The following ITPRIPL2 variants were observed in gnomAD, a reference collection of about 807,000 sequenced individuals.
The protein encoded by ITPRIPL2 is ITPRIP like 2, also known as inositol 1,4,5-trisphosphate receptor-interacting protein-like 2.
A neutral mutation model predicts 31.7 loss-of-function variants in ITPRIPL2; 29 were observed. The ratio of observed to expected loss-of-function variants is 0.91; its 90% confidence interval spans 0.68 to 1.25. The LOEUF (loss-of-function observed/expected upper bound fraction) is 1.25. ITPRIPL2 is among the 50% of genes most tolerant of loss of function. The pLI is 0.00. For synonymous variants in ITPRIPL2, 344 were observed against 343.4 expected, an observed-to-expected ratio of 1.00 and a Z score of -0.02; for missense variants, 696 against 739.1, an observed-to-expected ratio of 0.94 and a Z score of 0.68.
Position 19,115,129 on chromosome 16 carries a change from G to T in ITPRIPL2, c.668G>T (p.Gly223Val). The part of the protein sequence containing the change: ...APPSPSGASG[G>V]HWLRDCKPFA... ...CCCTCACCATCGGGGGCCTCGGGGG[G>T]CCACTGGCTTCGGGACTGCAAACCC... is the stretch of plus-strand genomic sequence containing the variant. Residue 223 changes from glycine (G) to valine (V), a missense_variant, in exon 1 of 1, where the codon GGC becomes GTC. Coordinates refer to ENST00000381440, the MANE Select transcript of ITPRIPL2 (RefSeq NM_001034841.4). 3 of 1,602,416 alleles carry T rather than the reference G, an allele frequency of 1.9e-6. No homozygotes were observed. The highest frequency in any genetic ancestry group is 2.5e-6 in the Non-Finnish European group (3 of 1,179,916).
rs11074362 is a variant in ITPRIPL2 at position 19,116,025 on chromosome 16, C to T, written c.1564C>T (p.Pro522Ser). ...GPRYLARCPPPRSQRTQGFLE... is the reference protein window; with the variant it reads ...GPRYLARCPPSRSQRTQGFLE... ...CCGCTACCTTGCCAGGTGCCCCCCA[C>T]CCCGGAGTCAGCGCACCCAGGGCTT... Residue 522 changes from proline to serine, a missense_variant, in exon 1 of 1, where the codon CCC becomes TCC. Coordinates refer to ENST00000381440, the MANE Select transcript of ITPRIPL2 (RefSeq NM_001034841.4). The T allele has an allele frequency of 0.035, 56,131 of 1,607,648 alleles. 1,345 individuals carry two copies. The highest frequency in any genetic ancestry group is 0.11 in the African/African-American group (8,567 of 74,952).
rs1248708235 is a variant in ITPRIPL2, at chr16:19,120,625, A to ATATATATATATATATATATATATTTT, written c.*4557_*4558insATATATATATATATATATATATTTTT. On this transcript the variant is annotated 3_prime_UTR_variant, in exon 1 of 1. Coordinates refer to ENST00000381440, the MANE Select transcript of ITPRIPL2 (RefSeq NM_001034841.4). The stretch of plus-strand genomic sequence containing the variant: ...CTAATATATATATATATATATATAT[A>ATATATATATATATATATATATATTTT]TTTTTTTTTTTTTTTTTTAGTAGAG... 7.6e-5 allele frequency: 7 copies of ATATATATATATATATATATATATTTT among 92,158 alleles called. No homozygotes were observed. The highest frequency in any genetic ancestry group is 8.3e-5 in the Non-Finnish European group (4 of 47,952). The allele number at this position is 92,158 out of a possible 1,614,324, so 5.7% of individuals were successfully genotyped here.
chr16:19,114,483 A>C lies in ITPRIPL2; in HGVS notation c.22A>C (p.Asn8His). ...CGGCATGTCGGTGCACTACACCCTC[A>C]ATCTACGCGTCTTCTGGCCCCTGGT... Reference protein sequence around the residue: MSVHYTLNLRVFWPLVTG... With the variant: MSVHYTLHLRVFWPLVTG... Residue 8 changes from asparagine to histidine, a missense_variant, in exon 1 of 1, where the codon AAT (asparagine) becomes CAT (histidine). Physicochemically the swap from Asn to His is moderately conservative, Grantham distance 68. Coordinates refer to ENST00000381440, the MANE Select transcript of ITPRIPL2 (RefSeq NM_001034841.4). 2 of 1,443,082 alleles carry C rather than the reference A, an allele frequency of 1.4e-6. No homozygotes were observed. The highest frequency in any genetic ancestry group is 2.9e-5 in the African/African-American group (2 of 69,278). The allele number at this position is 1,443,082 out of a possible 1,614,324, so 89.4% of individuals were successfully genotyped here.
Position 19,116,131 on chromosome 16 carries a change from G to A in ITPRIPL2, c.*62G>A. ...AAGCCTTTCCCACTGGGTGGGGGTG[G>A]GAATGGCGGTGAAGCCAGTTAAATG... On this transcript the variant is annotated 3_prime_UTR_variant, in exon 1 of 1. Coordinates refer to ENST00000381440, the MANE Select transcript of ITPRIPL2 (RefSeq NM_001034841.4). The A allele has an allele frequency of 6.8e-7, 1 of 1,470,362 alleles. No homozygotes were observed. Among genetic ancestry groups the A allele is most frequent in the South Asian group, 1.4e-5 (1 of 73,906 alleles). The allele number at this position is 1,470,362 out of a possible 1,614,324, so 91.1% of individuals were successfully genotyped here.
In ITPRIPL2 at chr16:19,115,668, T is replaced by C; in HGVS notation, c.1207T>C (p.Ser403Pro). Residue 403 changes from serine (S) to proline (P), a missense_variant, in exon 1 of 1, where the codon TCC becomes CCC. Ser to Pro is a moderately conservative substitution (Grantham distance 74). Transcript: ENST00000381440. ...AAATQWGRILSSYVLKTVLLA... is the reference protein window; with the variant it reads ...AAATQWGRILPSYVLKTVLLA... ...CGCCACCCAGTGGGGACGCATCCTA[T>C]CCTCATATGTGCTCAAGACAGTGCT... is the stretch of plus-strand genomic sequence containing the variant. The C allele has an allele frequency of 6.2e-7, 1 of 1,612,320 alleles. No homozygotes were observed. The highest frequency in any genetic ancestry group is 8.5e-7 in the Non-Finnish European group (1 of 1,179,758).
chr16:19,119,319 G>C lies in ITPRIPL2; in HGVS notation c.*3250G>C, dbSNP rs1051254264. 1.1e-5 allele frequency: 4 copies of C among 363,984 alleles called. No individual in the cohort carries two copies. The allele number at this position is 363,984 out of a possible 1,614,324, so 22.5% of individuals were successfully genotyped here. A position where few individuals can be genotyped will look rare whatever the true frequency, so the allele number is the denominator to read the frequency against. On this transcript the variant is annotated 3_prime_UTR_variant, in exon 1 of 1. Coordinates refer to ENST00000381440, the MANE Select transcript of ITPRIPL2 (RefSeq NM_001034841.4). ...GAGGGTGTGAGAGAGGTTTGGGTTAGGAAACATGTTTTTAGTGCTATTTCC... is the reference window on the plus strand; with the variant it reads ...GAGGGTGTGAGAGAGGTTTGGGTTACGAAACATGTTTTTAGTGCTATTTCC...
Position 19,115,415 on chromosome 16 carries a change from G to A in ITPRIPL2, c.954G>A (p.Gly318=). The change falls in exon 1 of 1, where the codon GGG becomes GGA. Residue 318 remains glycine, a synonymous_variant. Transcript: ENST00000381440. ...TCCCCGCTGTCCATCTGGGAGATGG[G>A]GTCTTCCTTGTGGCGCCACCACCGC... ...RLIPAVHLGD[G]VFLVAPPPPP... 2 of 1,611,714 alleles carry A rather than the reference G, an allele frequency of 1.2e-6. No homozygotes were observed. Among genetic ancestry groups the A allele is most frequent in the South Asian group, 1.1e-5 (1 of 91,082 alleles).
Position 19,119,084 on chromosome 16 carries a change from G to A in ITPRIPL2, c.*3015G>A, listed in dbSNP as rs540945214. The stretch of plus-strand genomic sequence containing the variant: ...GAAGATGACTCAGTCATTTTGTGGC[G>A]AGACACCCTTTGGTAACTCCCACTG... On this transcript the variant is annotated 3_prime_UTR_variant, in exon 1 of 1. Coordinates refer to ENST00000381440, the MANE Select transcript of ITPRIPL2 (RefSeq NM_001034841.4). 1 of 413,500 alleles carries A rather than the reference G, an allele frequency of 2.4e-6. No homozygotes were observed. Among genetic ancestry groups the A allele is most frequent in the African/African-American group, 2.1e-5 (1 of 48,754 alleles). The allele number at this position is 413,500 out of a possible 1,614,324, so 25.6% of individuals were successfully genotyped here. A position where few individuals can be genotyped will look rare whatever the true frequency, so the allele number is the denominator to read the frequency against.
Position 19,118,053 on chromosome 16 carries a change from T to C in ITPRIPL2, c.*1984T>C, listed in dbSNP as rs2142438911. 1 of 160,652 alleles carries C rather than the reference T, an allele frequency of 6.2e-6. No homozygotes were observed. The highest frequency in any genetic ancestry group is 6.7e-5 in the Admixed American group (1 of 14,924). 10.0% of individuals were successfully genotyped at this position (160,652 alleles called of 1,614,324 possible). A position where few individuals can be genotyped will look rare whatever the true frequency, so the allele number is the denominator to read the frequency against. On this transcript the variant is annotated 3_prime_UTR_variant, in exon 1 of 1. Coordinates refer to ENST00000381440, the MANE Select transcript of ITPRIPL2 (RefSeq NM_001034841.4). ...TTTTAAAATAAATGCCAAGAGTAGA[T>C]CTTATATATATATATATGTATACAT...
rs1306887934 is a variant in ITPRIPL2 at position 19,116,103 on chromosome 16, C to A, written c.*34C>A. On this transcript the variant is annotated 3_prime_UTR_variant, in exon 1 of 1. Transcript: ENST00000381440. ...AGCACCCCCACCTGACCAAATGCTC[C>A]TAAAGCCTTTCCCACTGGGTGGGGG... 1 of 1,519,928 alleles carries A rather than the reference C, an allele frequency of 6.6e-7. No individual in the cohort carries two copies. The highest frequency in any genetic ancestry group is 8.8e-7 in the Non-Finnish European group (1 of 1,130,910). 94.2% of individuals were successfully genotyped at this position (1,519,928 alleles called of 1,614,324 possible).
Position 19,114,392 on chromosome 16 carries a change from T to C in ITPRIPL2, c.-70T>C, listed in dbSNP as rs1963402171. 8.3e-7 allele frequency: 1 copy of C among 1,199,418 alleles called. No homozygotes were observed. Among genetic ancestry groups the C allele is most frequent in the African/African-American group, 1.6e-5 (1 of 63,044 alleles). The allele number at this position is 1,199,418 out of a possible 1,614,324, so 74.3% of individuals were successfully genotyped here. On this transcript the variant is annotated 5_prime_UTR_variant, in exon 1 of 1. It removes an upstream start codon present in the reference 5' UTR. Coordinates refer to ENST00000381440, the MANE Select transcript of ITPRIPL2 (RefSeq NM_001034841.4). ...CGGGGCTGCCCGGGCGCTGTGCGCA[T>C]GCTGGGCTTGGGTCGCCGCCGGGGC...
chr16:19,114,351 G>A lies in ITPRIPL2; in HGVS notation c.-111G>A. ...CTGCGTTCGGGAAGCCGCCGCGGAG[G>A]AGGAGACGGGGACAGCGGGGCTGCC... On this transcript the variant is annotated 5_prime_UTR_variant, in exon 1 of 1. Transcript: ENST00000381440. 1 of 824,164 alleles carries A rather than the reference G, an allele frequency of 1.2e-6. No homozygotes were observed. The highest frequency in any genetic ancestry group is 1.6e-6 in the Non-Finnish European group (1 of 614,530). 51.1% of individuals were successfully genotyped at this position (824,164 alleles called of 1,614,324 possible).
chr16:19,120,901 C>A lies in ITPRIPL2; in HGVS notation c.*4832C>A. 6.0e-6 allele frequency: 1 copy of A among 167,024 alleles called. No individual in the cohort carries two copies. The allele number at this position is 167,024 out of a possible 1,614,324, so 10.3% of individuals were successfully genotyped here. ...AAGTCACTTTTTCTGTAACATGTGGCTTTTGACCTTGATGAAGACTTTGAC... is the reference window on the plus strand; with the variant it reads ...AAGTCACTTTTTCTGTAACATGTGGATTTTGACCTTGATGAAGACTTTGAC... On this transcript the variant is annotated 3_prime_UTR_variant, in exon 1 of 1. Coordinates refer to ENST00000381440, the MANE Select transcript of ITPRIPL2 (RefSeq NM_001034841.4).
In ITPRIPL2 at chr16:19,118,661, A is replaced by T. The variant is rs965286711; in HGVS notation, c.*2592A>T. 8 of 218,292 alleles carry T rather than the reference A, an allele frequency of 3.7e-5. No homozygotes were observed. The highest frequency in any genetic ancestry group is 1.1e-4 in the African/African-American group (5 of 43,640). The allele number at this position is 218,292 out of a possible 1,614,324, so 13.5% of individuals were successfully genotyped here. On this transcript the variant is annotated 3_prime_UTR_variant, in exon 1 of 1. Coordinates refer to ENST00000381440, the MANE Select transcript of ITPRIPL2 (RefSeq NM_001034841.4). ...CAAGGTTTTTAAATTTTATTTTTTT[A>T]AAATAAATTGTGCATTGTATTTGTG...
rs1963454792 is a variant in ITPRIPL2 at position 19,117,160 on chromosome 16, T to A, written c.*1091T>A. 6.0e-6 allele frequency: 1 copy of A among 167,140 alleles called. No individual in the cohort carries two copies. The highest frequency in any genetic ancestry group is 1.5e-5 in the Non-Finnish European group (1 of 68,120). The allele number at this position is 167,140 out of a possible 1,614,324, so 10.4% of individuals were successfully genotyped here. ...CAAAGAGATTTCTTTCTGAGCTTAA[T>A]GAGCTAATGAAGAGGAAATGCCTGC... On this transcript the variant is annotated 3_prime_UTR_variant, in exon 1 of 1. Coordinates refer to ENST00000381440, the MANE Select transcript of ITPRIPL2 (RefSeq NM_001034841.4).
rs1462770381 is a variant in ITPRIPL2, at chr16:19,118,147, G to A, written c.*2078G>A. 6.0e-6 allele frequency: 1 copy of A among 166,404 alleles called. No individual in the cohort carries two copies. The highest frequency in any genetic ancestry group is 1.5e-5 in the Non-Finnish European group (1 of 68,012). 10.3% of individuals were successfully genotyped at this position (166,404 alleles called of 1,614,324 possible). A position where few individuals can be genotyped will look rare whatever the true frequency, so the allele number is the denominator to read the frequency against. The stretch of plus-strand genomic sequence containing the variant: ...CTGTACTCATTGTTTACTACAGTGG[G>A]GGACATCAAGGGTTGGAAGGATTAT... On this transcript the variant is annotated 3_prime_UTR_variant, in exon 1 of 1. Transcript: ENST00000381440.
Position 19,114,890 on chromosome 16 carries a change from T to G in ITPRIPL2, c.429T>G (p.Ile143Met). 1.2e-6 allele frequency: 2 copies of G among 1,609,400 alleles called. No individual in the cohort carries two copies. The highest frequency in any genetic ancestry group is 4.5e-5 in the East Asian group (2 of 44,724). ...GCGCCCGGGGGTCCCCCGGTCTCAT[T>G]CCTGGGGGAGCGCTGGCCTTGGCCT... is the stretch of plus-strand genomic sequence containing the variant. Reference protein sequence around the residue: ...AGRARGSPGLIPGGALALAFR... With the variant: ...AGRARGSPGLMPGGALALAFR... The change falls in exon 1 of 1, where the codon ATT becomes ATG. Residue 143 changes from isoleucine (I) to methionine (M), a missense_variant. Coordinates refer to ENST00000381440, the MANE Select transcript of ITPRIPL2 (RefSeq NM_001034841.4).
Position 19,115,991 on chromosome 16 carries a change from C to CG in ITPRIPL2, c.1535dup (p.Pro513SerfsTer20), listed in dbSNP as rs1567551406. On this transcript the variant is annotated frameshift_variant, in exon 1 of 1. Transcript: ENST00000381440. LOFTEE classifies it high-confidence loss of function. The stretch of plus-strand genomic sequence containing the variant: ...GGCTGCCCCAGCTTCTCCGGGCCTA[C>CG]GGGGGTCCCCGCTACCTTGCCAGGT... 1.2e-6 allele frequency: 2 copies of CG among 1,612,450 alleles called. No individual in the cohort carries two copies. Among genetic ancestry groups the CG allele is most frequent in the African/African-American group, 2.7e-5 (2 of 74,944 alleles).
Position 19,114,917 on chromosome 16 carries a change from C to T in ITPRIPL2, c.456C>T (p.Phe152=). The change falls in exon 1 of 1, where the codon TTC becomes TTT. Residue 152 remains phenylalanine (F), a synonymous_variant. Transcript: ENST00000381440. ...CTGGGGGAGCGCTGGCCTTGGCCTT[C>T]CGCGGAGACTTCATCCAGGTGGGCA... The part of the protein sequence containing the change: ...LIPGGALALA[F]RGDFIQVGSA... The T allele has an allele frequency of 6.2e-7, 1 of 1,610,384 alleles. No individual in the cohort carries two copies. The highest frequency in any genetic ancestry group is 2.2e-5 in the East Asian group (1 of 44,840).
Sources: allele counts gnomAD v4.1 joint callset, GRCh38; gene constraint gnomAD v4.1.1; transcripts MANE v1.5; gene names NCBI Gene and HGNC (gene_info 2026-07-23, HGNC 2026-07-21).